Variants in C6 observed in about 807,000 individuals in gnomAD.
C6 encodes the protein complement C6.
A neutral mutation model predicts 112.9 loss-of-function variants in C6; 101 were observed. That is an observed-to-expected ratio of 0.89 (90% CI 0.76 to 1.06). The LOEUF (loss-of-function observed/expected upper bound fraction) is 1.06. Among genes scored for constraint, C6 ranks in the 50% least tolerant of loss-of-function variants. The pLI is 0.00. For synonymous variants in C6, 431 were observed against 384.1 expected (o/e 1.12, Z -1.43); for missense variants, 1,202 against 1,104.6 (o/e 1.09, Z -1.25).
At chr5:41,235,222 C>A (rs1198188696) in intron 1 of C6, among the ~76,000 whole-genome samples, 1 of 106,278 alleles carries the variant, frequency 9.4e-6, no homozygotes, top group Non-Finnish European at 1.9e-5. Context: ...GCTATCCCTC[C>A]CCCCTCCCCC....
intron 1 of C6, among the ~76,000 whole-genome samples, chr5:41,234,350 G>GTTTTTGTT (rs1740106245): frequency 1.6e-5 from 2 of 127,804 alleles, no homozygotes; most frequent in African/African-American, 6.9e-5. Flanking sequence ...TTTTTTTTTT[G>GTTTTTGTT]TTTTTTGTTT....
intron 1 of C6, among the ~76,000 whole-genome samples, chr5:41,219,498 ACT>A (rs1418550632): frequency 1.3e-5 from 2 of 152,144 alleles, no homozygotes; most frequent in African/African-American, 4.8e-5. Context: ...CCTTGAAATA[ACT>A]CTGACAAAGT....
At chr5:41,172,577 C>G (rs1748520756) in intron 8 of C6, 2 of 577,032 alleles carry the variant, frequency 3.5e-6, no homozygotes, top group African/African-American at 1.9e-5. Context: ...CATCATCTCC[C>G]CTTTCAGCAC....
chr5:41,211,554 C>T (rs965063322), intron 1 of C6, among the ~76,000 whole-genome samples: 1 of 151,860 alleles, frequency 6.6e-6, no homozygotes, highest in Non-Finnish European at 1.5e-5. Context: ...TAATGTGAGT[C>T]CCAAACATTT....
intron 1 of C6, among the ~76,000 whole-genome samples, chr5:41,229,311 T>G (rs1242708610): frequency 6.6e-6 from 1 of 151,692 alleles, no homozygotes; most frequent in Non-Finnish European, 1.5e-5. Context: ...TAGGTGTTTA[T>G]CTCTATAAAC....
At chr5:41,226,176 T>C (rs1447620162) in intron 1 of C6, among the ~76,000 whole-genome samples, 2 of 152,080 alleles carry the variant, frequency 1.3e-5, no homozygotes, top group Non-Finnish European at 2.9e-5. Context: ...ACCTACAGAA[T>C]GGGAGGAAAT....
At chr5:41,221,341 T>C (rs1739154461) in intron 1 of C6, among the ~76,000 whole-genome samples, 1 of 152,174 alleles carries the variant, frequency 6.6e-6, no homozygotes, top group South Asian at 2.1e-4. Flanking sequence ...TGAAAATTGA[T>C]GTTCGTGGGG....
At chr5:41,213,719 C>G (rs1425298814), upstream of C6, 1 of 179,710 alleles carries the variant, frequency 5.6e-6, no homozygotes, top group Non-Finnish European at 1.1e-5. Context: ...ATCTCTCTTT[C>G]CATTTTAAAG....
At chr5:41,176,914 AG>A (rs5867542) in intron 7 of C6, among the ~76,000 whole-genome samples, 199 bp from the exon 8 acceptor site, 45,431 of 152,098 alleles carry the variant, frequency 0.3, 7,929 homozygotes, top group Non-Finnish European at 0.4. Context: ...TGTGCAAAAC[AG>A]GTAAGATTAT....
At chr5:41,145,701 C>T (rs73092351) in intron 17 of C6, among the ~76,000 whole-genome samples, 2,474 of 152,258 alleles carry the variant, frequency 0.016, 72 homozygotes, top group African/African-American at 0.056. Context: ...CCGTACTATG[C>T]TCTCCATCAA....
intron 9 of C6, among the ~76,000 whole-genome samples, chr5:41,163,074 T>G (rs1314863322): frequency 6.6e-6 from 1 of 152,030 alleles, no homozygotes; most frequent in African/African-American, 2.4e-5. Flanking sequence ...TACTGTTCCA[T>G]TAGCTTACTC....
chr5:41,228,518 T>A (rs915264472), intron 1 of C6, among the ~76,000 whole-genome samples: 7 of 152,142 alleles, frequency 4.6e-5, no homozygotes, highest in Admixed American at 3.9e-4. Context: ...AAGTGGGCAT[T>A]TCTGTCTTAT....
chr5:41,258,834 A>G (rs1467994850), intron 1 of C6, among the ~76,000 whole-genome samples: 2 of 152,162 alleles, frequency 1.3e-5, no homozygotes, highest in Non-Finnish European at 2.9e-5. Context: ...AGCAGGGGAA[A>G]TGCCAGACAC....
At chr5:41,239,518 A>G (rs1159338899) in intron 1 of C6, among the ~76,000 whole-genome samples, 2 of 152,102 alleles carry the variant, frequency 1.3e-5, no homozygotes, top group African/African-American at 4.8e-5. Context: ...ACTATACACT[A>G]TATATAGTAT....
At chr5:41,221,842 T>C (rs968103046) in intron 1 of C6, among the ~76,000 whole-genome samples, 1 of 152,136 alleles carries the variant, frequency 6.6e-6, no homozygotes, top group Non-Finnish European at 1.5e-5. Context: ...AAGTTAAAAG[T>C]TATTTTCTTA....
chr5:41,146,116 T>G (rs938882730), intron 17 of C6, among the ~76,000 whole-genome samples: 3 of 152,170 alleles, frequency 2.0e-5, no homozygotes, highest in Non-Finnish European at 4.4e-5. Context: ...GTAAAAAGGG[T>G]GCCTCATCTT....
At chr5:41,187,693 C>CACACAT (rs1277182230) in intron 5 of C6, among the ~76,000 whole-genome samples, 1 of 40,018 alleles carries the variant, frequency 2.5e-5, no homozygotes, top group African/African-American at 1.5e-4. Flanking sequence ...TACACAGACA[C>CACACAT]ACACATACAC....
intron 1 of C6, among the ~76,000 whole-genome samples, chr5:41,254,206 C>T (rs1741536782): frequency 6.6e-6 from 1 of 152,072 alleles, no homozygotes; most frequent in Non-Finnish European, 1.5e-5. Flanking sequence ...TCGAGACCAT[C>T]CTGGCTAACA....
chr5:41,181,574 A>C lies in C6; in HGVS notation c.727-15T>G. ...GCAGTTTGTACCTGGAGAAAAATCC[A>C]TGTAAAATAAAATATAATTTAGGAA... On this transcript the variant is annotated splice_polypyrimidine_tract_variant and intron_variant, in intron 6 of 17. Transcript: ENST00000337836. 1 of 1,598,360 alleles carries C rather than the reference A, an allele frequency of 6.3e-7. No individual in the cohort carries two copies. The highest frequency in any genetic ancestry group is 1.3e-5 in the African/African-American group (1 of 74,634).
Sources: allele counts gnomAD v4.1 joint callset (sites outside exome capture counted in the v4.1 genomes callset), GRCh38; gene constraint gnomAD v4.1.1; transcripts MANE v1.5; gene names NCBI Gene and HGNC (gene_info 2026-07-23, HGNC 2026-07-21).